Variants in FBXL2 observed in about 807,000 individuals in gnomAD.
FBXL2 encodes the protein F-box/LRR-repeat protein 2.
FBXL2 carries 38 observed loss-of-function variants against 69.2 expected under a neutral mutation model. The ratio of observed to expected loss-of-function variants is 0.55; its 90% CI spans 0.42 to 0.72. The LOEUF is 0.72. Among genes scored for constraint, FBXL2 ranks in the 30% least tolerant of loss-of-function variants. FBXL2 has a pLI of 0.00. For missense variants in FBXL2, 354 were observed against 520.3 expected (o/e 0.68, Z 3.11); for synonymous variants, 192 against 201.3 (o/e 0.95, Z 0.39).
intron 2 of FBXL2, among the ~76,000 whole-genome samples, chr3:33,304,004 A>C (rs1380262937): frequency 6.6e-6 from 1 of 151,878 alleles, no homozygotes; most frequent in African/African-American, 2.4e-5. Flanking sequence ...TGTAGCAGCC[A>C]TTCTGTAGGG....
At chr3:33,416,776 G>A in the FBXL2 span, 2 of 1,613,108 alleles carry the variant, frequency 1.2e-6, no homozygotes, top group South Asian at 1.1e-5. Flanking sequence ...ATTTTCCATT[G>A]ATCTCAGGCA....
intron 2 of FBXL2, among the ~76,000 whole-genome samples, chr3:33,340,326 A>C (rs2039916796): frequency 6.6e-6 from 1 of 152,164 alleles, no homozygotes; most frequent in African/African-American, 2.4e-5. Flanking sequence ...GCTACTGAAC[A>C]TGCAATAATG....
At chr3:33,410,410 T>C in the FBXL2 span, among the ~76,000 whole-genome samples, 2 of 152,222 alleles carry the variant, frequency 1.3e-5, no homozygotes, top group African/African-American at 4.8e-5. Context: ...ACATAACTAG[T>C]TGCCTTATAG....
At chr3:33,337,334 T>A (rs1414705038) in intron 2 of FBXL2, among the ~76,000 whole-genome samples, 1 of 151,972 alleles carries the variant, frequency 6.6e-6, no homozygotes, top group Non-Finnish European at 1.5e-5. Context: ...AAACCCAATT[T>A]AAAAAAATGA....
intron 5 of FBXL2, among the ~76,000 whole-genome samples, chr3:33,369,311 C>T (rs768600901): frequency 1.3e-5 from 2 of 152,088 alleles, no homozygotes; most frequent in Non-Finnish European, 2.9e-5. Context: ...CTCAGCCTCC[C>T]GAAGTGCTGG....
chr3:33,393,474 AAG>A (rs768849642), intron 12 of FBXL2: 3 of 1,589,960 alleles, frequency 1.9e-6, no homozygotes, highest in East Asian at 2.2e-5. Flanking sequence ...AAAAAAAAAA[AAG>A]AAAAGCATTT....
In FBXL2 at chr3:33,342,767, C is replaced by T. The variant is rs868810098; in HGVS notation, c.66-16200C>T. Among the ~76,000 whole-genome samples the T allele has an allele frequency of 1.7e-3, 183 of 109,286 alleles. 1 individual carries two copies. Among genetic ancestry groups the T allele is most frequent in the African/African-American group, 5.9e-3 (162 of 27,670 alleles). 71.7% of individuals were successfully genotyped at this position (109,286 alleles called of 152,430 possible). A position where few individuals can be genotyped will look rare whatever the true frequency, so the allele number is the denominator to read the frequency against. ...TTGAGACAGAGTCTCGCTCTGTCAC[C>T]TAGGCTGGAGTGCAGTGGCGCGATC... On this transcript the variant is annotated intron_variant, in intron 2 of 14. Transcript: ENST00000484457.
chr3:33,407,750 G>T (rs1176999825), downstream of FBXL2, among the ~76,000 whole-genome samples: 1 of 152,178 alleles, frequency 6.6e-6, no homozygotes, highest in Admixed American at 6.5e-5. Flanking sequence ...TGCGATATGT[G>T]TAAGAATGAA....
chr3:33,380,033 C>T (rs942837613), intron 13 of FBXL2, among the ~76,000 whole-genome samples: 14 of 151,198 alleles, frequency 9.3e-5, no homozygotes, highest in Non-Finnish European at 2.1e-4. Flanking sequence ...GACATTGAGA[C>T]CATCCTGGCC....
At chr3:33,303,676 A>G (rs1275562089) in intron 2 of FBXL2, among the ~76,000 whole-genome samples, 2 of 152,110 alleles carry the variant, frequency 1.3e-5, no homozygotes, top group South Asian at 2.1e-4. Flanking sequence ...AGTATGGTAA[A>G]ATTATACCAT....
downstream of FBXL2, chr3:33,388,126 TTAGTTA>T (rs1210838430): frequency 1.6e-4 from 8 of 51,080 alleles, no homozygotes; most frequent in African/African-American, 9.7e-4. Context: ...CTGGAATAGT[TTAGTTA>T]GTTAGTTAGT....
chr3:33,309,135 T>G (rs1202414410), intron 2 of FBXL2, among the ~76,000 whole-genome samples: 1 of 152,196 alleles, frequency 6.6e-6, no homozygotes, highest in African/African-American at 2.4e-5. Flanking sequence ...CTTATTGATT[T>G]TCTATCTAGA....
chr3:33,284,943 C>T (rs56391552), intron 1 of FBXL2, among the ~76,000 whole-genome samples: 19,122 of 152,038 alleles, frequency 0.13, 1,703 homozygotes, highest in East Asian at 0.41. Context: ...TGTGTCTCTG[C>T]ATGTGATATG....
chr3:33,397,186 C>T (rs1174841938), intron 12 of FBXL2: 1 of 1,416,010 alleles, frequency 7.1e-7, no homozygotes. Context: ...AAGAACAGAA[C>T]TGCTTTACAG....
rs532508574 is a variant in FBXL2 at position 33,355,717 on chromosome 3, C to T, written c.66-3250C>T. ...ATTATTTATAACCAGGGTGCTATTGCAGTGCTTGCCTTGTAAAGCTGAGGC... is the reference window on the plus strand; with the variant it reads ...ATTATTTATAACCAGGGTGCTATTGTAGTGCTTGCCTTGTAAAGCTGAGGC... On this transcript the variant is annotated intron_variant, in intron 2 of 14. Transcript: ENST00000484457. Among the ~76,000 whole-genome samples the T allele has an allele frequency of 5.9e-5, 9 of 152,316 alleles. No individual in the cohort carries two copies. In the East Asian group the frequency reaches 1.7e-3, roughly 29 times the overall value.
At chr3:33,286,715 A>C (rs1212276887) in intron 1 of FBXL2, among the ~76,000 whole-genome samples, 1 of 152,056 alleles carries the variant, frequency 6.6e-6, no homozygotes, top group African/African-American at 2.4e-5. Context: ...TGCTTTGTTT[A>C]CCTACTCAAG....
intron 1 of FBXL2, among the ~76,000 whole-genome samples, chr3:33,279,052 A>G (rs566705778): frequency 6.6e-6 from 1 of 152,248 alleles, no homozygotes; most frequent in South Asian, 2.1e-4. Flanking sequence ...TTAGAGTTTT[A>G]CTTTAAAATA....
rs375766266 is a variant in FBXL2, at chr3:33,277,466, G to C, written c.-47G>C. On this transcript the variant is annotated 5_prime_UTR_variant, in exon 1 of 15. Transcript: ENST00000484457. Reference sequence around the variant, plus strand: ...CGTCACCAGGACAACGGGCGTCGCCGGCGCCGTGTGACTTCGGGCTGTGGG... The same window carrying C: ...CGTCACCAGGACAACGGGCGTCGCCCGCGCCGTGTGACTTCGGGCTGTGGG... 3.9e-6 allele frequency: 5 copies of C among 1,270,834 alleles called. No individual in the cohort carries two copies. The highest frequency in any genetic ancestry group is 4.0e-5 in the Admixed American group (1 of 24,742). The allele number at this position is 1,270,834 out of a possible 1,614,324, so 78.7% of individuals were successfully genotyped here.
chr3:33,351,962 T>TAA (rs56082631), intron 2 of FBXL2, among the ~76,000 whole-genome samples: 28 of 112,076 alleles, frequency 2.5e-4, no homozygotes, highest in African/African-American at 5.7e-4. Context: ...CCCCATCACT[T>TAA]AAAAAAAAAA....
Sources: gnomAD v4.1 joint callset for allele counts (sites outside exome capture counted in the v4.1 genomes callset) on GRCh38, gnomAD v4.1.1 for gene constraint, MANE v1.5 for transcripts, NCBI Gene and HGNC (gene_info 2026-07-23, HGNC 2026-07-21) for gene names.